Variants in FRMD3 observed in about 807,000 individuals in gnomAD.
FRMD3 encodes FERM domain containing 3.
FRMD3 carries 33 observed loss-of-function variants against 70.2 expected under a neutral mutation model. That is an observed-to-expected ratio of 0.47 (90% confidence interval 0.36 to 0.63). The LOEUF (loss-of-function observed/expected upper bound fraction) is 0.63, where lower values mean the gene tolerates loss of function less well. Among genes scored for constraint, FRMD3 ranks in the 20% least tolerant of loss-of-function variants. FRMD3 has a pLI of 0.00. For missense variants in FRMD3, 632 were observed against 711.4 expected, an observed-to-expected ratio of 0.89 and a Z score of 1.27; for synonymous variants, 279 against 255.9, an observed-to-expected ratio of 1.09 and a Z score of -0.86.
At chr9:83,546,856 CA>C in the FRMD3 span, among the ~76,000 whole-genome samples, 1,996 of 121,386 alleles carry the variant, frequency 0.016, 37 homozygotes, top group African/African-American at 0.058. Context: ...TGTGCCACTG[CA>C]CTCCAGCCTA....
chr9:83,443,315 A>G (rs1212195043), intron 1 of FRMD3, among the ~76,000 whole-genome samples: 1 of 152,064 alleles, frequency 6.6e-6, no homozygotes, highest in African/African-American at 2.4e-5. Context: ...AACAGGCCCC[A>G]GTATGTGATG....
At chr9:83,507,736 A>ATATATATATATATATCTATCTATC (rs1554713917) in intron 1 of FRMD3, among the ~76,000 whole-genome samples, 4 of 88,696 alleles carry the variant, frequency 4.5e-5, no homozygotes, top group South Asian at 4.2e-4. Context: ...ATATATATAT[A>ATATATATATATATATCTATCTATC]TATCTTCTGG....
Position 83,245,648 on chromosome 9 carries a change from A to G in FRMD3, c.*2270T>C, listed in dbSNP as rs1644255157. On this transcript the variant is annotated 3_prime_UTR_variant, in exon 14 of 14. Transcript: ENST00000304195. ...TTACAATGGAAAATATATTAGTTCC[A>G]TAATTTAAAAAATATTATATAATAT... 1.2e-6 allele frequency: 1 copy of G among 845,830 alleles called. No homozygotes were observed. Among genetic ancestry groups the G allele is most frequent in the African/African-American group, 1.8e-5 (1 of 54,582 alleles). 52.4% of individuals were successfully genotyped at this position (845,830 alleles called of 1,614,324 possible). A position where few individuals can be genotyped will look rare whatever the true frequency, so the allele number is the denominator to read the frequency against.
intron 3 of FRMD3, among the ~76,000 whole-genome samples, chr9:83,369,511 A>G (rs1370938565): frequency 2.0e-5 from 3 of 152,042 alleles, no homozygotes; most frequent in Non-Finnish European, 4.4e-5. Flanking sequence ...AGGGAGGCAG[A>G]GGTTGCAGTG....
chr9:83,381,348 A>C, intron 2 of FRMD3, among the ~76,000 whole-genome samples: 1 of 152,200 alleles, frequency 6.6e-6, no homozygotes, highest in Non-Finnish European at 1.5e-5. Flanking sequence ...TGAGGTCAGG[A>C]GATCGAGACT....
chr9:83,545,001 C>T, the FRMD3 span, among the ~76,000 whole-genome samples: 3 of 152,060 alleles, frequency 2.0e-5, no homozygotes, highest in Non-Finnish European at 4.4e-5. Context: ...CTCAAAGGAT[C>T]ACACTAAATA....
intron 6 of FRMD3, among the ~76,000 whole-genome samples, chr9:83,316,788 A>G (rs1360952981): frequency 6.6e-6 from 1 of 152,204 alleles, no homozygotes; most frequent in Non-Finnish European, 1.5e-5. Context: ...CTATATTGAC[A>G]GGGATGGGAA....
chr9:83,281,465 G>A (rs1284384668), intron 13 of FRMD3: 1 of 152,072 alleles, frequency 6.6e-6, no homozygotes, highest in Non-Finnish European at 1.5e-5. Flanking sequence ...CTACTTCCTA[G>A]GACACTTGAC....
At chr9:83,530,722 G>A (rs1026911952) in intron 1 of FRMD3, among the ~76,000 whole-genome samples, 18 of 151,996 alleles carry the variant, frequency 1.2e-4, no homozygotes, top group Non-Finnish European at 1.9e-4. Flanking sequence ...TAATAGCATG[G>A]ACTCCATGAA....
intron 1 of FRMD3, among the ~76,000 whole-genome samples, chr9:83,495,003 A>G (rs1352406172): frequency 2.0e-5 from 3 of 152,184 alleles, no homozygotes; most frequent in Admixed American, 6.5e-5. Flanking sequence ...ATATTTCACC[A>G]GTTGCACAAT....
chr9:83,411,193 A>G (rs1826268539), intron 1 of FRMD3, among the ~76,000 whole-genome samples: 1 of 152,204 alleles, frequency 6.6e-6, no homozygotes, highest in Non-Finnish European at 1.5e-5. Flanking sequence ...GGCATTTCAT[A>G]AAGTCATTTG....
At chr9:83,373,564 T>G (rs931138266) in intron 2 of FRMD3, among the ~76,000 whole-genome samples, 2 of 151,486 alleles carry the variant, frequency 1.3e-5, no homozygotes, top group African/African-American at 2.4e-5. Context: ...ACTGGGGGAG[T>G]TCAGAACCAT....
chr9:83,308,577 T>C (rs1362382458), intron 10 of FRMD3, among the ~76,000 whole-genome samples: 1 of 152,180 alleles, frequency 6.6e-6, no homozygotes, highest in African/African-American at 2.4e-5. Context: ...AGGGCTGGAC[T>C]AGGTTCTTAG....
chr9:83,358,831 A>G (rs990143185), intron 3 of FRMD3, among the ~76,000 whole-genome samples: 3 of 152,152 alleles, frequency 2.0e-5, no homozygotes, highest in South Asian at 4.1e-4. Context: ...ACTGTGCTGC[A>G]TTCAATAATG....
chr9:83,442,228 C>T (rs1450470574), intron 1 of FRMD3, among the ~76,000 whole-genome samples: 2 of 151,180 alleles, frequency 1.3e-5, no homozygotes. Context: ...CTTACAAAAA[C>T]CACATAAAGG....
In FRMD3 at chr9:83,367,223, A is replaced by G. The variant is rs557210473; in HGVS notation, c.295+5690T>C. ...AAAATGGATCAACATCTCAGTCCAC[A>G]TTTGTACCTATGGACATGGCAATGG... On this transcript the variant is annotated intron_variant, in intron 3 of 13. Transcript: ENST00000304195. 2.0e-5 allele frequency among the ~76,000 whole-genome samples: 3 copies of G among 152,326 alleles called. No homozygotes were observed. In the East Asian group the frequency reaches 5.8e-4, roughly 29 times the overall value.
chr9:83,541,063 T>C (rs1377848902), upstream of FRMD3, among the ~76,000 whole-genome samples: 2 of 152,216 alleles, frequency 1.3e-5, no homozygotes, highest in East Asian at 3.9e-4. Context: ...AACGAGGCTG[T>C]TCCTGCTTTG....
At chr9:83,344,465 G>C (rs182940673) in intron 4 of FRMD3, among the ~76,000 whole-genome samples, 6 of 152,266 alleles carry the variant, frequency 3.9e-5, no homozygotes, top group Admixed American at 3.3e-4. Context: ...ATTTGACTTG[G>C]TGGACTGAGT....
chr9:83,284,192 A>G (rs1834099811), intron 13 of FRMD3, among the ~76,000 whole-genome samples: 2 of 151,798 alleles, frequency 1.3e-5, no homozygotes, highest in Non-Finnish European at 2.9e-5. Context: ...GGTAGGGACA[A>G]GTCTAATTAG....
Sources: gnomAD v4.1 joint callset for allele counts (sites outside exome capture counted in the v4.1 genomes callset) on GRCh38, gnomAD v4.1.1 for gene constraint, MANE v1.5 for transcripts, NCBI Gene and HGNC (gene_info 2026-07-23, HGNC 2026-07-21) for gene names.